The following PTPN14 variants were observed in gnomAD, a reference collection of about 807,000 sequenced individuals.
The protein encoded by PTPN14 is protein tyrosine phosphatase non-receptor type 14.
A neutral mutation model predicts 126.8 loss-of-function variants in PTPN14; 53 were observed. That is an observed-to-expected ratio of 0.42 (90% CI 0.34 to 0.53). The LOEUF is 0.53. Among genes scored for constraint, PTPN14 ranks in the 20% least tolerant of loss-of-function variants. The probability of loss-of-function intolerance (pLI) is 0.08; values close to 1 mark genes in which losing one functional copy is unlikely to be tolerated. For missense variants in PTPN14, 1,257 were observed against 1,552.9 expected (o/e 0.81, Z 3.20); for synonymous variants, 630 against 599.3 (o/e 1.05, Z -0.75).
chr1:214,480,627 A>G (rs1660963799), intron 1 of PTPN14, among the ~76,000 whole-genome samples: 4 of 152,146 alleles, frequency 2.6e-5, no homozygotes, highest in Admixed American at 2.0e-4. Flanking sequence ...CCTATCTCTC[A>G]ATAGCTACAG....
At position 214,376,441 on chromosome 1, in the gene PTPN14, C is replaced by T; in HGVS notation, c.2689-4G>A. The T allele has an allele frequency of 6.2e-7, 1 of 1,603,920 alleles. No homozygotes were observed. The highest frequency in any genetic ancestry group is 2.2e-5 in the East Asian group (1 of 44,806). ...GTTTCTTCTTCAGGGTTCTGAACTG[C>T]AACAGAAATTGATCTTCAGCTCTCT... On this transcript the variant is annotated splice_polypyrimidine_tract_variant and splice_region_variant and intron_variant, in intron 14 of 18. Transcript: ENST00000366956.
chr1:214,443,145 T>C (rs1250180884), intron 3 of PTPN14, among the ~76,000 whole-genome samples: 1 of 152,210 alleles, frequency 6.6e-6, no homozygotes, highest in Non-Finnish European at 1.5e-5. Flanking sequence ...TTTCACACCA[T>C]ATCTTTTTCT....
chr1:214,543,768 G>A (rs571767863), intron 1 of PTPN14, among the ~76,000 whole-genome samples: 2 of 152,070 alleles, frequency 1.3e-5, no homozygotes, highest in South Asian at 2.1e-4. Flanking sequence ...ACAGGTGCAC[G>A]CCACCATGCC....
chr1:214,398,120 C>T (rs1465991222), intron 7 of PTPN14, 119 bp from the exon 8 acceptor site: 10 of 776,446 alleles, frequency 1.3e-5, no homozygotes, highest in African/African-American at 7.0e-5. Context: ...ATAAAGAAAA[C>T]GTGGTACATG....
In PTPN14 at chr1:214,433,060, C is replaced by T. The variant is rs528811193; in HGVS notation, c.345-18334G>A. Among the ~76,000 whole-genome samples, 10 of 152,194 alleles carry T rather than the reference C, an allele frequency of 6.6e-5. No homozygotes were observed. The East Asian group carries it at 9.7e-4, about 15-fold the overall frequency. On this transcript the variant is annotated intron_variant, in intron 3 of 18. Coordinates refer to ENST00000366956, the MANE Select transcript of PTPN14 (RefSeq NM_005401.5). ...CTAGGACTACAGGCGCCCACCACCA[C>T]GCCCGGCTATTTTTTTGTATTTTTA...
intron 1 of PTPN14, among the ~76,000 whole-genome samples, chr1:214,484,051 A>G (rs1028248422): frequency 2.0e-5 from 3 of 152,256 alleles, no homozygotes; most frequent in African/African-American, 4.8e-5. Context: ...GAATGGGTCT[A>G]GAAAATATAG....
At chr1:214,448,210 C>G (rs1239114287) in intron 3 of PTPN14, among the ~76,000 whole-genome samples, 1 of 152,124 alleles carries the variant, frequency 6.6e-6, no homozygotes, top group Non-Finnish European at 1.5e-5. Flanking sequence ...GGGTGAGTGT[C>G]AGAAACACCA....
intron 2 of PTPN14, among the ~76,000 whole-genome samples, chr1:214,460,524 AACACACACACACAC>A (rs10522279): frequency 3.0e-5 from 4 of 132,670 alleles, no homozygotes; most frequent in South Asian, 2.5e-4. Flanking sequence ...TGAAAATTCC[AACACACACACACAC>A]ACACACACAC....
chr1:214,439,918 A>G (rs940023001), intron 3 of PTPN14, among the ~76,000 whole-genome samples: 2 of 152,172 alleles, frequency 1.3e-5, no homozygotes, highest in African/African-American at 4.8e-5. Flanking sequence ...GGACTCACTC[A>G]AAGAAGTGCC....
chr1:214,509,983 T>A (rs1654933605), intron 1 of PTPN14, among the ~76,000 whole-genome samples: 1 of 152,198 alleles, frequency 6.6e-6, no homozygotes, highest in African/African-American at 2.4e-5. Flanking sequence ...CACCGGGGCC[T>A]TTCAGGTAGC....
chr1:214,456,089 G>A (rs2102640465), intron 2 of PTPN14, among the ~76,000 whole-genome samples: 1 of 149,142 alleles, frequency 6.7e-6, no homozygotes, highest in South Asian at 2.2e-4. Flanking sequence ...TGAGGGTTTT[G>A]TTTTTCCAGT....
chr1:214,362,740 C>T (rs1037917034), intron 18 of PTPN14, among the ~76,000 whole-genome samples: 1 of 152,278 alleles, frequency 6.6e-6, no homozygotes. Flanking sequence ...GCCAGGCTTA[C>T]GCCTGTAATC....
chr1:214,501,248 C>T (rs1654686785), intron 1 of PTPN14, among the ~76,000 whole-genome samples: 1 of 151,190 alleles, frequency 6.6e-6, no homozygotes, highest in Non-Finnish European at 1.5e-5. Context: ...AGTAAGTATT[C>T]TTTTTTTTTG....
chr1:214,425,758 A>G (rs1659647568), intron 3 of PTPN14, among the ~76,000 whole-genome samples: 1 of 152,246 alleles, frequency 6.6e-6, no homozygotes, highest in Non-Finnish European at 1.5e-5. Flanking sequence ...ATATTAAGAA[A>G]TCAGAGCCTT....
At chr1:214,378,731 G>A (rs1658404085) in intron 13 of PTPN14, among the ~76,000 whole-genome samples, 2 of 151,436 alleles carry the variant, frequency 1.3e-5, no homozygotes, top group South Asian at 4.1e-4. Flanking sequence ...AGCAAAGCCT[G>A]GCTGGGGTCA....
At position 214,464,781 on chromosome 1, in the gene PTPN14, C is replaced by A. The variant is rs1163977676; in HGVS notation, c.23G>T (p.Arg8Leu). The A allele has an allele frequency of 6.2e-7, 1 of 1,614,264 alleles. No individual in the cohort carries two copies. Among genetic ancestry groups the A allele is most frequent in the Non-Finnish European group, 8.5e-7 (1 of 1,180,042 alleles). ...CAGGACGTTGTAGCGCCGTGTCCGG[C>A]GGAGCTTCAGACCAAAAGGCATGGC... MPFGLKL[R>L]RTRRYNVLSK... Residue 8 changes from arginine to leucine, a missense_variant, in exon 2 of 19, where the codon CGC (arginine) becomes CTC (leucine). This residue lies in a region of PTPN14 where 1,021 missense variants were observed against 1,183.3 expected (regional missense o/e 0.86). Coordinates refer to ENST00000366956, the MANE Select transcript of PTPN14 (RefSeq NM_005401.5).
At chr1:214,420,124 C>A (rs915997337) in intron 3 of PTPN14, among the ~76,000 whole-genome samples, 4 of 152,192 alleles carry the variant, frequency 2.6e-5, no homozygotes, top group Admixed American at 2.0e-4. Flanking sequence ...AATACTCCTG[C>A]AACTATGCAA....
In PTPN14 at chr1:214,540,828, C is replaced by G. The variant is rs548708451; in HGVS notation, c.-155+10355G>C. Among the ~76,000 whole-genome samples the G allele has an allele frequency of 1.0e-3, 159 of 152,222 alleles. 1 individual carries two copies. The highest frequency in any genetic ancestry group is 1.4e-3 in the Non-Finnish European group (98 of 68,008). ...AAATCATGGGTTAGAGCTAGGAAAT[C>G]CATGTGTAAATCCATTAGATTTACA... is the stretch of plus-strand genomic sequence containing the variant. On this transcript the variant is annotated intron_variant, in intron 1 of 18. Coordinates refer to ENST00000366956, the MANE Select transcript of PTPN14 (RefSeq NM_005401.5).
intron 7 of PTPN14, among the ~76,000 whole-genome samples, chr1:214,399,310 T>G (rs1204533876): frequency 6.6e-6 from 1 of 152,014 alleles, no homozygotes; most frequent in African/African-American, 2.4e-5. Context: ...GTGGACTATA[T>G]AGATAGAGAG....
Sources: allele counts gnomAD v4.1 joint callset (sites outside exome capture counted in the v4.1 genomes callset), GRCh38; gene constraint gnomAD v4.1.1; regional missense constraint gnomAD v4.1.1; transcripts MANE v1.5; gene names NCBI Gene and HGNC (gene_info 2026-07-23, HGNC 2026-07-21).